The following GCNT1 variants were observed in gnomAD, a reference collection of about 807,000 sequenced individuals.
The protein encoded by GCNT1 is glucosaminyl (N-acetyl) transferase 1.
A neutral mutation model predicts 26.2 loss-of-function variants in GCNT1; 16 were observed. The observed-to-expected ratio is 0.61, with a 90% CI of 0.41 to 0.93. The LOEUF is 0.93. Ranked by LOEUF, GCNT1 falls within the 40% of genes least tolerant of loss-of-function variation. The probability of loss-of-function intolerance (pLI) is 0.00; values close to 1 mark genes in which losing one functional copy is unlikely to be tolerated. For missense variants in GCNT1, 477 were observed against 526.7 expected, an observed-to-expected ratio of 0.91 and a Z score of 0.92; for synonymous variants, 183 against 190.8, an observed-to-expected ratio of 0.96 and a Z score of 0.34.
At chr9:76,441,676 G>A (rs1322814466) in exon 1 of GCNT1, 2 of 152,778 alleles carry the variant, frequency 1.3e-5, no homozygotes, top group African/African-American at 4.8e-5. Flanking sequence ...ACAGACCATA[G>A]GTGAACTGTT....
In GCNT1 at chr9:76,502,256, A is replaced by G. The variant is rs1378081122; in HGVS notation, c.-126A>G. ...TATTTCAGTGCTGCTCTTCATTTCA[A>G]GATGCCGTTGCAGCTCTGATAAATG... On this transcript the variant is annotated 5_prime_UTR_variant, in exon 4 of 4. Coordinates refer to ENST00000376730, the MANE Select transcript of GCNT1 (RefSeq NM_001490.5). 10 of 494,564 alleles carry G rather than the reference A, an allele frequency of 2.0e-5. No individual in the cohort carries two copies. In the Middle Eastern group the frequency reaches 8.7e-4, roughly 43 times the overall value. 30.6% of individuals were successfully genotyped at this position (494,564 alleles called of 1,614,324 possible). A position where few individuals can be genotyped will look rare whatever the true frequency, so the allele number is the denominator to read the frequency against.
chr9:76,430,149 G>A (rs10781361), intron 1 of GCNT1, among the ~76,000 whole-genome samples: 45,118 of 152,044 alleles, frequency 0.3, 6,901 homozygotes, highest in East Asian at 0.39. Flanking sequence ...ATAGTAAAGC[G>A]TTATGTATAC....
chr9:76,449,601 A>G (rs560658849), intron 1 of GCNT1, among the ~76,000 whole-genome samples: 83 of 152,174 alleles, frequency 5.5e-4, no homozygotes, highest in African/African-American at 1.9e-3. Flanking sequence ...TTACCTTCCC[A>G]CAATTTACCC....
chr9:76,408,893 T>C, the GCNT1 span, among the ~76,000 whole-genome samples: 1 of 152,126 alleles, frequency 6.6e-6, no homozygotes, highest in African/African-American at 2.4e-5. Flanking sequence ...TTCACCATGT[T>C]AGCCAGGCTG....
chr9:76,394,828 G>T, the GCNT1 span, among the ~76,000 whole-genome samples: 1 of 152,202 alleles, frequency 6.6e-6, no homozygotes, highest in Admixed American at 6.5e-5. Context: ...TGAACGTCAG[G>T]CATCGCTCGT....
chr9:76,488,477 C>T (rs1587448065), intron 2 of GCNT1, among the ~76,000 whole-genome samples: 1 of 152,060 alleles, frequency 6.6e-6, no homozygotes, highest in African/African-American at 2.4e-5. Flanking sequence ...ATCTTCCAAC[C>T]CTTTTATTGA....
chr9:76,443,000 A>G (rs2131582453), intron 1 of GCNT1, among the ~76,000 whole-genome samples: 1 of 152,222 alleles, frequency 6.6e-6, no homozygotes, highest in African/African-American at 2.4e-5. Flanking sequence ...GTCAGGTGAG[A>G]TACAGCAGTA....
chr9:76,490,474 C>T (rs545571848), intron 2 of GCNT1, among the ~76,000 whole-genome samples: 1 of 152,308 alleles, frequency 6.6e-6, no homozygotes, highest in East Asian at 1.9e-4. Flanking sequence ...TGGCCCTGTG[C>T]TGACAGACTT....
At chr9:76,499,490 T>C (rs1825005106) in intron 2 of GCNT1, among the ~76,000 whole-genome samples, 3 of 152,228 alleles carry the variant, frequency 2.0e-5, no homozygotes, top group Admixed American at 6.5e-5. Flanking sequence ...GTTGTTTATT[T>C]GAAGTTGTTA....
At chr9:76,403,754 G>C in the GCNT1 span, among the ~76,000 whole-genome samples, 1 of 152,140 alleles carries the variant, frequency 6.6e-6, no homozygotes, top group Non-Finnish European at 1.5e-5. Context: ...GCTTTTTGAT[G>C]TTTCCTTTGA....
chr9:76,431,052 G>C (rs1276579749), intron 1 of GCNT1, among the ~76,000 whole-genome samples: 2 of 152,078 alleles, frequency 1.3e-5, no homozygotes, highest in Non-Finnish European at 2.9e-5. Context: ...TATTGGAGTA[G>C]TTCAATTTGG....
At chr9:76,424,137 T>A (rs1247743890) in intron 1 of GCNT1, among the ~76,000 whole-genome samples, 1 of 152,164 alleles carries the variant, frequency 6.6e-6, no homozygotes, top group Non-Finnish European at 1.5e-5. Flanking sequence ...TGAATATCCA[T>A]CCTTATAGAC....
chr9:76,440,111 A>C (rs990631093), upstream of GCNT1, among the ~76,000 whole-genome samples: 1 of 151,932 alleles, frequency 6.6e-6, no homozygotes, highest in African/African-American at 2.4e-5. Context: ...AAATAAAAAA[A>C]AAAAAAAAGA....
At chr9:76,494,309 G>C (rs1163978709) in intron 2 of GCNT1, among the ~76,000 whole-genome samples, 1 of 152,134 alleles carries the variant, frequency 6.6e-6, no homozygotes, top group African/African-American at 2.4e-5. Context: ...ACACATTCTT[G>C]AAAACCTGTT....
intron 2 of GCNT1, among the ~76,000 whole-genome samples, chr9:76,463,733 T>TTTATGAGCTTATGAGC (rs60939170): frequency 6.6e-6 from 1 of 151,076 alleles, no homozygotes; most frequent in African/African-American, 2.4e-5. Context: ...GGTCCCTGCC[T>TTTATGAGCTTATGAGC]TTATGAGCTT....
At chr9:76,486,133 G>A (rs763638988) in intron 2 of GCNT1, among the ~76,000 whole-genome samples, 13 of 152,314 alleles carry the variant, frequency 8.5e-5, no homozygotes, top group South Asian at 6.2e-4. Context: ...TATGACGTTC[G>A]AAGAGCTATT....
At chr9:76,466,200 G>A (rs1823989946) in intron 2 of GCNT1, among the ~76,000 whole-genome samples, 1 of 152,220 alleles carries the variant, frequency 6.6e-6, no homozygotes, top group South Asian at 2.1e-4. Flanking sequence ...ACTGAGAAGT[G>A]TGATATTCAT....
chr9:76,461,194 CTTTT>C (rs71372085), intron 2 of GCNT1, among the ~76,000 whole-genome samples: 89 of 125,940 alleles, frequency 7.1e-4, no homozygotes, highest in Non-Finnish European at 8.4e-4. Flanking sequence ...GTGTAGGCAG[CTTTT>C]TTTTTTTTTT....
chr9:76,495,173 C>A (rs1349833285), intron 2 of GCNT1, among the ~76,000 whole-genome samples: 1 of 152,154 alleles, frequency 6.6e-6, no homozygotes, highest in Non-Finnish European at 1.5e-5. Context: ...CAAGATGTGT[C>A]CAGCATTGGT....
Sources: allele counts gnomAD v4.1 joint callset (sites outside exome capture counted in the v4.1 genomes callset), GRCh38; gene constraint gnomAD v4.1.1; transcripts MANE v1.5; gene names NCBI Gene and HGNC (gene_info 2026-07-23, HGNC 2026-07-21).